RTF1: variants seen among roughly 807,000 people sequenced by gnomAD.
RTF1 encodes RNA polymerase-associated protein RTF1 homolog.
In RTF1, 10 loss-of-function variants were observed where a neutral mutation model predicts 95.7. That is an observed-to-expected ratio of 0.10 (90% CI 0.06 to 0.18). The LOEUF (loss-of-function observed/expected upper bound fraction) is 0.18. Ranked by LOEUF, RTF1 falls within the 10% of genes least tolerant of loss-of-function variation. The probability of loss-of-function intolerance (pLI) is 1.00; values close to 1 mark genes in which losing one functional copy is unlikely to be tolerated. For missense variants in RTF1, 458 were observed against 875.6 expected, an observed-to-expected ratio of 0.52 and a Z score of 6.02; for synonymous variants, 305 against 311.8, an observed-to-expected ratio of 0.98 and a Z score of 0.23.
chr15:41,470,406 C>T lies in RTF1; in HGVS notation c.1025+14C>T. On this transcript the variant is annotated intron_variant, in intron 7 of 17. Transcript: ENST00000389629. The stretch of plus-strand genomic sequence containing the variant: ...TGAAGAAGAGGAGTAAGCTCTTGTA[C>T]ATTTTGGTCTAGTAGGCAGGATAGG... 1.2e-6 allele frequency: 2 copies of T among 1,613,472 alleles called. No individual in the cohort carries two copies. Among genetic ancestry groups the T allele is most frequent in the Non-Finnish European group, 1.7e-6 (2 of 1,179,678 alleles).
chr15:41,448,573 G>C (rs1360872907), intron 2 of RTF1, among the ~76,000 whole-genome samples: 1 of 151,838 alleles, frequency 6.6e-6, no homozygotes, highest in Non-Finnish European at 1.5e-5. Flanking sequence ...ACAAAAATTA[G>C]CTGGGTGTGG....
chr15:41,479,055 C>A, intron 15 of RTF1, 48 bp from the exon 16 acceptor site: 2 of 1,333,828 alleles, frequency 1.5e-6, no homozygotes, highest in Non-Finnish European at 2.2e-6. Flanking sequence ...GGCAGTAGGA[C>A]TCTGTGAGTG....
intron 1 of RTF1, among the ~76,000 whole-genome samples, chr15:41,422,230 G>A (rs1481713270): frequency 4.6e-5 from 7 of 151,960 alleles, no homozygotes; most frequent in Non-Finnish European, 7.4e-5. Flanking sequence ...GAGACGCTAT[G>A]TTGGCCAGAC....
chr15:41,449,367 A>T (rs1234565939), intron 2 of RTF1, among the ~76,000 whole-genome samples: 1 of 151,678 alleles, frequency 6.6e-6, no homozygotes, highest in Non-Finnish European at 1.5e-5. Flanking sequence ...AGTAGCTGGG[A>T]CTACAGGCGC....
rs2050970813 is a variant in RTF1 at position 41,481,097 on chromosome 15, CCAT to C, written c.*411_*413del. ...TCCTCTACAGACTGCCTTGGCCCAC[CCAT>C]TGAACATTCGGCACGTGACCTTGTG... On this transcript the variant is annotated 3_prime_UTR_variant, in exon 18 of 18. Coordinates refer to ENST00000389629, the MANE Select transcript of RTF1 (RefSeq NM_015138.5). 1 of 161,386 alleles carries C rather than the reference CCAT, an allele frequency of 6.2e-6. No homozygotes were observed. The highest frequency in any genetic ancestry group is 6.1e-5 in the Admixed American group (1 of 16,520). The allele number at this position is 161,386 out of a possible 1,614,324, so 10.0% of individuals were successfully genotyped here. A position where few individuals can be genotyped will look rare whatever the true frequency, so the allele number is the denominator to read the frequency against.
At chr15:41,439,725 C>T (rs990058489) in intron 2 of RTF1, among the ~76,000 whole-genome samples, 4 of 152,192 alleles carry the variant, frequency 2.6e-5, no homozygotes, top group Admixed American at 2.0e-4. Context: ...GATCTCGGCT[C>T]ACTGCAACCT....
intron 1 of RTF1, among the ~76,000 whole-genome samples, chr15:41,430,855 C>G (rs1197698490): frequency 1.3e-5 from 2 of 152,154 alleles, no homozygotes; most frequent in Non-Finnish European, 2.9e-5. Flanking sequence ...TTGTATCTTT[C>G]ACACTGTTAA....
intron 1 of RTF1, 28 bp from the exon 2 acceptor site, chr15:41,438,293 A>G: frequency 6.9e-7 from 1 of 1,454,438 alleles, no homozygotes; most frequent in South Asian, 1.2e-5. Context: ...GTTGAACAAA[A>G]CTGATGTGCC....
At chr15:41,469,248 C>T (rs776433614) in intron 6 of RTF1, among the ~76,000 whole-genome samples, 6 of 151,976 alleles carry the variant, frequency 3.9e-5, no homozygotes, top group Admixed American at 2.0e-4. Flanking sequence ...AGCCAACACT[C>T]CCAGCCTAAA....
intron 5 of RTF1, 44 bp from the exon 6 acceptor site, chr15:41,466,096 AG>A (rs753743323): frequency 3.1e-6 from 4 of 1,280,826 alleles, no homozygotes; most frequent in Non-Finnish European, 4.3e-6. Context: ...GAATCTTATC[AG>A]CTGTTGGTAA....
At chr15:41,418,957 TTTAAGAAGA>T (rs1278396474) in intron 1 of RTF1, among the ~76,000 whole-genome samples, 1 of 151,978 alleles carries the variant, frequency 6.6e-6, no homozygotes, top group Non-Finnish European at 1.5e-5. Context: ...GGGGAGGACT[TTTAAGAAGA>T]AAAGGATTGA....
At chr15:41,448,100 A>G (rs970826637) in intron 2 of RTF1, among the ~76,000 whole-genome samples, 1 of 152,170 alleles carries the variant, frequency 6.6e-6, no homozygotes, top group Non-Finnish European at 1.5e-5. Context: ...TTCCATATCA[A>G]TTCTGCTTAG....
intron 1 of RTF1, among the ~76,000 whole-genome samples, chr15:41,430,743 AAAAC>A (rs1203252675): frequency 1.3e-5 from 2 of 152,000 alleles, no homozygotes; most frequent in Non-Finnish European, 2.9e-5. Context: ...TTCATCTCCA[AAAAC>A]AAACAAAAAG....
chr15:41,467,993 C>T (rs1010874989), intron 6 of RTF1, among the ~76,000 whole-genome samples: 3 of 151,950 alleles, frequency 2.0e-5, no homozygotes, highest in Admixed American at 1.3e-4. Flanking sequence ...AGTGAAATCC[C>T]GTCTCTACTA....
rs535870983 is a variant in RTF1, at chr15:41,428,257, CTTTTTTTTTTTT to C, written c.199-10047_199-10036del. 1.0e-4 allele frequency among the ~76,000 whole-genome samples: 10 copies of C among 95,948 alleles called. 1 individual carries two copies. The highest frequency in any genetic ancestry group is 9.5e-4 in the East Asian group (3 of 3,148). The allele number at this position is 95,948 out of a possible 152,430, so 62.9% of individuals were successfully genotyped here. On this transcript the variant is annotated intron_variant, in intron 1 of 17. Coordinates refer to ENST00000389629, the MANE Select transcript of RTF1 (RefSeq NM_015138.5). ...CCCCTCTACTGCAATACTGATATCC[CTTTTTTTTTTTT>C]TTTTTTTTTTTTTTTTGAGATGGAG...
At chr15:41,425,262 C>T (rs1302773665) in intron 1 of RTF1, among the ~76,000 whole-genome samples, 3 of 152,014 alleles carry the variant, frequency 2.0e-5, no homozygotes, top group East Asian at 3.9e-4. Flanking sequence ...CCACTGTGTC[C>T]GGCTAATTTT....
intron 1 of RTF1, among the ~76,000 whole-genome samples, chr15:41,425,356 G>A (rs2050623733): frequency 6.6e-6 from 1 of 151,916 alleles, no homozygotes; most frequent in Non-Finnish European, 1.5e-5. Context: ...TGCCCGCCTC[G>A]GCCTCCCAAA....
chr15:41,438,242 G>C, intron 1 of RTF1, 79 bp from the exon 2 acceptor site: 1 of 939,190 alleles, frequency 1.1e-6, no homozygotes, highest in Non-Finnish European at 1.6e-6. Context: ...AAAAGATCTA[G>C]AGAGGGTGGG....
rs139639111 is a variant in RTF1, at chr15:41,436,434, G to A, written c.199-1887G>A. ...ATTGTGCCACTGCACTCTAGCCTGG[G>A]TGACAGAGCGAGACTCCGTCTCAAA... is the stretch of plus-strand genomic sequence containing the variant. On this transcript the variant is annotated intron_variant, in intron 1 of 17. Transcript: ENST00000389629. 2.2e-3 allele frequency among the ~76,000 whole-genome samples: 336 copies of A among 149,844 alleles called. 1 individual carries two copies. Among genetic ancestry groups the A allele is most frequent in the African/African-American group, 7.8e-3 (317 of 40,512 alleles).
Sources: allele counts gnomAD v4.1 joint callset (sites outside exome capture counted in the v4.1 genomes callset), GRCh38; gene constraint gnomAD v4.1.1; transcripts MANE v1.5; gene names NCBI Gene and HGNC (gene_info 2026-07-23, HGNC 2026-07-21).